The following CCDC178 variants were observed in gnomAD, a reference collection of about 807,000 sequenced individuals.
The protein encoded by CCDC178 is coiled-coil domain containing 178.
Under a neutral mutation model 117.4 loss-of-function variants are expected in CCDC178, and 126 were observed. That is an observed-to-expected ratio of 1.07 (90% CI 0.93 to 1.24). The LOEUF (loss-of-function observed/expected upper bound fraction) is 1.24, where lower values mean the gene tolerates loss of function less well. Among genes scored for constraint, CCDC178 ranks in the 50% most tolerant of loss-of-function variants. The probability of loss-of-function intolerance (pLI) is 0.00; values close to 1 mark genes in which losing one functional copy is unlikely to be tolerated. For synonymous variants in CCDC178, 283 were observed against 313.4 expected, an observed-to-expected ratio of 0.90 and a Z score of 1.02; for missense variants, 1,030 against 986.9, an observed-to-expected ratio of 1.04 and a Z score of -0.59.
At chr18:33,226,601 GA>G (rs1004153423) in intron 16 of CCDC178, among the ~76,000 whole-genome samples, 191 bp downstream of exon 16, 2 of 152,182 alleles carry the variant, frequency 1.3e-5, no homozygotes, top group African/African-American at 2.4e-5. Flanking sequence ...ATGTATATGG[GA>G]GGTCAATTTC....
intron 21 of CCDC178, among the ~76,000 whole-genome samples, chr18:33,078,948 C>CA (rs754858439): frequency 8.6e-5 from 13 of 152,006 alleles, no homozygotes; most frequent in Non-Finnish European, 1.9e-4. Flanking sequence ...TAATATGAAA[C>CA]AAAAAAGCCT....
At chr18:33,303,683 A>T (rs1434494273) in intron 11 of CCDC178, among the ~76,000 whole-genome samples, 1 of 152,120 alleles carries the variant, frequency 6.6e-6, no homozygotes, top group Non-Finnish European at 1.5e-5. Flanking sequence ...GTTTTTAAAA[A>T]AAAAAAAAAC....
intron 20 of CCDC178, among the ~76,000 whole-genome samples, chr18:33,126,574 C>A (rs926936228): frequency 1.3e-5 from 2 of 151,934 alleles, no homozygotes; most frequent in African/African-American, 2.4e-5. Context: ...GTCTTGCAGT[C>A]AGCCCTGTGG....
At chr18:33,046,068 A>G (rs2056637049) in intron 21 of CCDC178, among the ~76,000 whole-genome samples, 1 of 152,330 alleles carries the variant, frequency 6.6e-6, no homozygotes, top group East Asian at 1.9e-4. Context: ...ACTCCATCTC[A>G]AAATAAAAAG....
chr18:33,257,286 C>T (rs1390755245), intron 14 of CCDC178, among the ~76,000 whole-genome samples: 1 of 151,998 alleles, frequency 6.6e-6, no homozygotes, highest in Non-Finnish European at 1.5e-5. Context: ...TTCTCACTTG[C>T]TTTTCTTTCA....
At chr18:33,013,895 G>A (rs560805564) in intron 21 of CCDC178, among the ~76,000 whole-genome samples, 1 of 152,308 alleles carries the variant, frequency 6.6e-6, no homozygotes, top group East Asian at 1.9e-4. Flanking sequence ...CATGTTTGCG[G>A]AGAAGCAGTT....
chr18:33,105,027 G>A (rs151299436), intron 20 of CCDC178, among the ~76,000 whole-genome samples: 1 of 151,626 alleles, frequency 6.6e-6, no homozygotes, highest in South Asian at 2.1e-4. Flanking sequence ...GATACGAAGA[G>A]AAGTAGAGGC....
intron 21 of CCDC178, among the ~76,000 whole-genome samples, chr18:32,979,145 G>C (rs1185727498): frequency 6.6e-6 from 1 of 151,614 alleles, no homozygotes; most frequent in East Asian, 1.9e-4. Flanking sequence ...TATAATATCT[G>C]CACTGAAAAA....
chr18:33,062,907 C>T (rs982532806), intron 21 of CCDC178, among the ~76,000 whole-genome samples: 1 of 142,998 alleles, frequency 7.0e-6, no homozygotes, highest in African/African-American at 2.8e-5. Flanking sequence ...CTCCAGCCCA[C>T]AGTGTCTTAT....
In CCDC178 at chr18:32,971,832, T is replaced by C. The variant is rs2054932059; in HGVS notation, c.2523+2715A>G. Among the ~76,000 whole-genome samples, 3 of 152,208 alleles carry C rather than the reference T, an allele frequency of 2.0e-5. No homozygotes were observed. The South Asian group carries it at 6.2e-4, about 31-fold the overall frequency. On this transcript the variant is annotated intron_variant, in intron 22 of 22. Coordinates refer to ENST00000383096, the MANE Select transcript of CCDC178 (RefSeq NM_001105528.4). The stretch of plus-strand genomic sequence containing the variant: ...CGCATAAATGTCATCATTTGAGAAG[T>C]GTCTGTTCATATCCTTTGCCGACAT...
At chr18:33,230,807 T>C (rs28394340) in intron 15 of CCDC178, among the ~76,000 whole-genome samples, 24,450 of 152,118 alleles carry the variant, frequency 0.16, 2,741 homozygotes, top group African/African-American at 0.32. Flanking sequence ...TTGCATGCAA[T>C]ATATATTCCT....
chr18:33,102,514 A>G (rs1482941151), intron 20 of CCDC178, among the ~76,000 whole-genome samples: 1 of 151,406 alleles, frequency 6.6e-6, no homozygotes, highest in African/African-American at 2.4e-5. Flanking sequence ...TGTGCCAACT[A>G]TGAGAAGTTC....
chr18:33,318,793 AATAT>A (rs2062458165), intron 11 of CCDC178, among the ~76,000 whole-genome samples: 1 of 152,138 alleles, frequency 6.6e-6, no homozygotes, highest in Admixed American at 6.5e-5. Flanking sequence ...CAAAGGAAAA[AATAT>A]ATAGATTAGA....
chr18:33,093,481 G>A (rs1046021655), intron 20 of CCDC178, among the ~76,000 whole-genome samples: 8 of 152,068 alleles, frequency 5.3e-5, no homozygotes, highest in African/African-American at 1.9e-4. Flanking sequence ...ATATATTTTA[G>A]TTATGTTTAA....
intron 21 of CCDC178, among the ~76,000 whole-genome samples, chr18:33,020,167 C>A (rs2056084050): frequency 6.8e-6 from 1 of 147,894 alleles, no homozygotes; most frequent in African/African-American, 2.5e-5. Context: ...ACCATCTTGG[C>A]CAGGCTGGTC....
intron 21 of CCDC178, among the ~76,000 whole-genome samples, chr18:32,985,446 C>A (rs1598755964): frequency 6.6e-6 from 1 of 151,804 alleles, no homozygotes; most frequent in South Asian, 2.1e-4. Flanking sequence ...TGTTAGTGAT[C>A]TAGAATTGTT....
At chr18:33,229,773 C>G (rs1368097333) in intron 15 of CCDC178, among the ~76,000 whole-genome samples, 2 of 152,126 alleles carry the variant, frequency 1.3e-5, no homozygotes, top group Non-Finnish European at 2.9e-5. Context: ...TGGGACACCT[C>G]TTTGAATTCT....
chr18:33,396,511 A>C (rs993915549), intron 4 of CCDC178, among the ~76,000 whole-genome samples: 1 of 152,184 alleles, frequency 6.6e-6, no homozygotes, highest in African/African-American at 2.4e-5. Flanking sequence ...ATTATTCAAA[A>C]TAACAAAAAA....
Position 33,266,906 on chromosome 18 carries a change from G to A in CCDC178, c.1409+10C>T. On this transcript the variant is annotated intron_variant, in intron 14 of 22. Coordinates refer to ENST00000383096, the MANE Select transcript of CCDC178 (RefSeq NM_001105528.4). Reference sequence around the variant, plus strand: ...ATGGTATATAAGAAGAAAAGTATTTGCAAATTTACCTTTCATTGGTTTTTA... The same window carrying A: ...ATGGTATATAAGAAGAAAAGTATTTACAAATTTACCTTTCATTGGTTTTTA... The A allele has an allele frequency of 6.5e-7, 1 of 1,541,758 alleles. No homozygotes were observed. Among genetic ancestry groups the A allele is most frequent in the Non-Finnish European group, 8.8e-7 (1 of 1,139,026 alleles).
Sources: allele counts gnomAD v4.1 joint callset (sites outside exome capture counted in the v4.1 genomes callset), GRCh38; gene constraint gnomAD v4.1.1; transcripts MANE v1.5; gene names NCBI Gene and HGNC (gene_info 2026-07-23, HGNC 2026-07-21).